Variants in CAPG observed in about 807,000 individuals in gnomAD.
CAPG encodes the protein macrophage-capping protein.
A neutral mutation model predicts 44.6 loss-of-function variants in CAPG; 32 were observed. That is an observed-to-expected ratio of 0.72 (90% CI 0.54 to 0.96). CAPG has a LOEUF of 0.96. Among genes scored for constraint, CAPG ranks in the 50% least tolerant of loss-of-function variants. The pLI is 0.00. For missense variants in CAPG, 412 were observed against 438.3 expected (o/e 0.94, Z 0.54); for synonymous variants, 175 against 179.6 (o/e 0.97, Z 0.20).
intron 8 of CAPG, 84 bp downstream of exon 8, chr2:85,397,936 A>G (rs1404036094): frequency 7.4e-7 from 1 of 1,359,302 alleles, no homozygotes; most frequent in African/African-American, 1.4e-5. Context: ...ACAAGCAGCT[A>G]GACAGGCTGA....
intron 1 of CAPG, among the ~76,000 whole-genome samples, chr2:85,415,751 T>C (rs1395633602): frequency 6.6e-6 from 1 of 152,208 alleles, no homozygotes; most frequent in African/African-American, 2.4e-5. Context: ...CCCTTAAGAC[T>C]TCCTAGCCAC....
chr2:85,396,255 G>A (rs1338218751), intron 8 of CAPG, among the ~76,000 whole-genome samples: 4 of 152,044 alleles, frequency 2.6e-5, no homozygotes, highest in South Asian at 2.1e-4. Flanking sequence ...GCACCAACAC[G>A]GCTCACTACA....
At chr2:85,418,484 C>G (rs530514086), upstream of CAPG, 2 of 152,414 alleles carry the variant, frequency 1.3e-5, no homozygotes, top group East Asian at 3.9e-4. Flanking sequence ...CTACAAATCC[C>G]AGCAGGCAGT....
In CAPG at chr2:85,398,500, G is replaced by A. The variant is rs547077259; in HGVS notation, c.759+190C>T. On this transcript the variant is annotated intron_variant, in intron 7 of 9. Transcript: ENST00000263867. ...AAGTGAGGTGCACTCATCTCCTCAG[G>A]AGGGCCTGCCTTCCGCCCACTCCCC... 1.6e-4 allele frequency: 94 copies of A among 604,108 alleles called. No homozygotes were observed. In the South Asian group the frequency reaches 1.8e-3, roughly 11 times the overall value. 37.4% of individuals were successfully genotyped at this position (604,108 alleles called of 1,614,324 possible).
rs372064925 is a variant in CAPG, at chr2:85,401,547, TG to T, written c.332del (p.Pro111HisfsTer32). The T allele has an allele frequency of 4.8e-4, 780 of 1,614,054 alleles. 5 individuals are homozygous for T. In the African/African-American group the frequency reaches 9.9e-3, roughly 20 times the overall value. ...CTCTGACCTGGTACTTGAGGCCCCG[TG>T]GGAAGTAGCTCATGAAGAGGTCAGA... ...NESDLFMSYF[P>X]RGLKYQEGGV... On this transcript the variant is annotated frameshift_variant, in exon 4 of 10. Coordinates refer to ENST00000263867, the MANE Select transcript of CAPG (RefSeq NM_001747.4). LOFTEE classifies it high-confidence loss of function.
At position 85,401,344 on chromosome 2, in the gene CAPG, G is replaced by A; in HGVS notation, c.352-15C>T. On this transcript the variant is annotated splice_polypyrimidine_tract_variant and intron_variant, in intron 4 of 9. Coordinates refer to ENST00000263867, the MANE Select transcript of CAPG (RefSeq NM_001747.4). ...ACACCACCTTCCTGCAGCCCAGACG[G>A]CCCATCTGAGTGGACTGACAGGAGA... 1 of 1,612,116 alleles carries A rather than the reference G, an allele frequency of 6.2e-7. No individual in the cohort carries two copies. The highest frequency in any genetic ancestry group is 8.5e-7 in the Non-Finnish European group (1 of 1,178,684).
intron 1 of CAPG, among the ~76,000 whole-genome samples, chr2:85,403,017 C>T (rs185138434): frequency 4.6e-5 from 7 of 152,210 alleles, no homozygotes; most frequent in East Asian, 3.9e-4. Flanking sequence ...GTGATTCACG[C>T]GCCTCAGCCT....
rs140480035 is a variant in CAPG, at chr2:85,397,115, T to C, written c.892+905A>G. 1.8e-4 allele frequency among the ~76,000 whole-genome samples: 27 copies of C among 152,278 alleles called. 1 individual carries two copies. Among genetic ancestry groups the C allele is most frequent in the East Asian group, 1.9e-4 (1 of 5,186 alleles). On this transcript the variant is annotated intron_variant, in intron 8 of 9. Transcript: ENST00000263867. Reference sequence around the variant, plus strand: ...GTTCACCACTCACTGCATAAAATGATGTTTAATTTGTCTAAAATTCATTTC... The same window carrying C: ...GTTCACCACTCACTGCATAAAATGACGTTTAATTTGTCTAAAATTCATTTC...
chr2:85,412,911 A>T (rs72831569), upstream of CAPG, among the ~76,000 whole-genome samples: 25,843 of 152,034 alleles, frequency 0.17, 2,643 homozygotes, highest in Non-Finnish European at 0.24. Flanking sequence ...ATGAAATGAG[A>T]TCCTATGATT....
chr2:85,394,094 G>A (rs536340891), downstream of CAPG, among the ~76,000 whole-genome samples: 1 of 152,368 alleles, frequency 6.6e-6, no homozygotes, highest in East Asian at 1.9e-4. Context: ...CCCTGGGCAT[G>A]CCTTCTCAGA....
At chr2:85,414,238 A>G (rs1687500781), upstream of CAPG, among the ~76,000 whole-genome samples, 1 of 152,184 alleles carries the variant, frequency 6.6e-6, no homozygotes, top group Non-Finnish European at 1.5e-5. Context: ...GTTCACTTCC[A>G]TTCAATCGTT....
intron 7 of CAPG, 109 bp downstream of exon 7, chr2:85,398,581 C>CCCCACCTT (rs1397723818): frequency 3.3e-6 from 3 of 910,788 alleles, no homozygotes; most frequent in Non-Finnish European, 5.1e-6. Flanking sequence ...TCGGTTCCAG[C>CCCCACCTT]CCCACCTTCC....
chr2:85,394,854 T>TG lies in CAPG; in HGVS notation c.*38dup, dbSNP rs1175066792. The TG allele has an allele frequency of 2.7e-6, 4 of 1,482,468 alleles. No homozygotes were observed. The highest frequency in any genetic ancestry group is 4.5e-5 in the East Asian group (2 of 44,276). The allele number at this position is 1,482,468 out of a possible 1,614,324, so 91.8% of individuals were successfully genotyped here. On this transcript the variant is annotated 3_prime_UTR_variant, in exon 10 of 10. Transcript: ENST00000263867. ...GCCAGAGAAGCAAGCAGGCAGGTGG[T>TG]GGGGGGCAGGGGAGCATGGGGCAGG...
chr2:85,399,355 C>T (rs949006566), intron 5 of CAPG, 70 bp from the exon 6 acceptor site: 13 of 1,515,042 alleles, frequency 8.6e-6, no homozygotes, highest in Admixed American at 5.4e-5. Context: ...CAGAGAAGGG[C>T]GCACAGCTCT....
chr2:85,416,729 G>A (rs958903689), intron 1 of CAPG, among the ~76,000 whole-genome samples: 8 of 152,154 alleles, frequency 5.3e-5, no homozygotes, highest in African/African-American at 1.9e-4. Context: ...GGCCAGGCTA[G>A]TCTCGAACTC....
chr2:85,405,448 G>A (rs1359717334), intron 1 of CAPG, among the ~76,000 whole-genome samples: 1 of 152,084 alleles, frequency 6.6e-6, no homozygotes, highest in African/African-American at 2.4e-5. Flanking sequence ...GTAAGGGCTT[G>A]GGGAATTGGA....
In CAPG at chr2:85,395,727, C is replaced by A; in HGVS notation, c.893-101G>T. The A allele has an allele frequency of 2.7e-6, 2 of 751,104 alleles. No homozygotes were observed. The highest frequency in any genetic ancestry group is 1.6e-5 in the South Asian group (1 of 62,480). 46.5% of individuals were successfully genotyped at this position (751,104 alleles called of 1,614,324 possible). A position where few individuals can be genotyped will look rare whatever the true frequency, so the allele number is the denominator to read the frequency against. ...TTAAGGGAGTCCACAGAAGAGCCAG[C>A]AATTTTTACAATAAATGGACCAGGG... On this transcript the variant is annotated intron_variant, in intron 8 of 9. Transcript: ENST00000263867. This position sits in a 1 kb window ranked among gnomAD's most constrained non-coding sequence, Gnocchi z 4.3.
At chr2:85,402,501 C>A (rs763014084) in intron 1 of CAPG, among the ~76,000 whole-genome samples, 5 of 152,192 alleles carry the variant, frequency 3.3e-5, no homozygotes, top group Non-Finnish European at 7.3e-5. Flanking sequence ...GAGTCTCACT[C>A]TGTTGCCCAG....
chr2:85,413,171 G>C (rs1473074005), upstream of CAPG: 1 of 152,272 alleles, frequency 6.6e-6, no homozygotes, highest in African/African-American at 2.4e-5. Context: ...TCTGGACTCT[G>C]TGACCCACGG....
Sources: allele counts gnomAD v4.1 joint callset (sites outside exome capture counted in the v4.1 genomes callset), GRCh38; gene constraint gnomAD v4.1.1; non-coding constraint Gnocchi (gnomAD v3.1); transcripts MANE v1.5; gene names NCBI Gene and HGNC (gene_info 2026-07-23, HGNC 2026-07-21).